KHDRBS2: variants seen among roughly 807,000 people sequenced by gnomAD.
KHDRBS2 encodes the protein KH domain-containing, RNA-binding, signal transduction-associated protein 2.
A neutral mutation model predicts 44.3 loss-of-function variants in KHDRBS2; 26 were observed. That is an observed-to-expected ratio of 0.59 (90% CI 0.43 to 0.81). KHDRBS2 has a LOEUF of 0.81. KHDRBS2 is among the 40% of genes least tolerant of loss of function. The pLI, the probability that KHDRBS2 is intolerant of heterozygous loss-of-function variation, is 0.00. For synonymous variants in KHDRBS2, 194 were observed against 151.1 expected (o/e 1.28, Z -2.08); for missense variants, 476 against 433.1 (o/e 1.10, Z -0.88).
chr6:61,980,908 T>C (rs1399261820), intron 3 of KHDRBS2, among the ~76,000 whole-genome samples: 1 of 152,190 alleles, frequency 6.6e-6, no homozygotes, highest in Non-Finnish European at 1.5e-5. Context: ...CCTTTTGACA[T>C]AAAGAGCTGA....
intron 2 of KHDRBS2, among the ~76,000 whole-genome samples, chr6:62,107,718 A>G (rs1584749680): frequency 6.6e-6 from 1 of 152,182 alleles, no homozygotes; most frequent in Admixed American, 6.5e-5. Flanking sequence ...AATAACCAAA[A>G]CAGCATGGTA....
intron 1 of KHDRBS2, among the ~76,000 whole-genome samples, chr6:62,257,853 A>G (rs1367006999): frequency 2.0e-5 from 3 of 151,948 alleles, no homozygotes; most frequent in African/African-American, 7.2e-5. Context: ...ACTCACATCC[A>G]TCTTCTGGTC....
At chr6:62,232,643 T>C (rs73760330) in intron 1 of KHDRBS2, among the ~76,000 whole-genome samples, 1,759 of 152,258 alleles carry the variant, frequency 0.012, 37 homozygotes, top group African/African-American at 0.039. Flanking sequence ...TGTGACTGTG[T>C]TGTGCCTAAT....
chr6:61,593,020 T>A, the KHDRBS2 span, among the ~76,000 whole-genome samples: 1 of 152,080 alleles, frequency 6.6e-6, no homozygotes, highest in Non-Finnish European at 1.5e-5. Flanking sequence ...TCTATAGAAA[T>A]AGAAGAAGAA....
chr6:62,133,874 T>C (rs1480634786), intron 2 of KHDRBS2, among the ~76,000 whole-genome samples: 3 of 152,170 alleles, frequency 2.0e-5, no homozygotes, highest in Non-Finnish European at 4.4e-5. Context: ...AGGGAGATGA[T>C]TTAGGGTATC....
At chr6:61,592,362 C>T in the KHDRBS2 span, among the ~76,000 whole-genome samples, 1 of 152,020 alleles carries the variant, frequency 6.6e-6, no homozygotes, top group African/African-American at 2.4e-5. Flanking sequence ...TGAACCATGG[C>T]AAAACAGGTT....
At chr6:61,677,932 C>T (rs1380365425), downstream of KHDRBS2, among the ~76,000 whole-genome samples, 1 of 151,898 alleles carries the variant, frequency 6.6e-6, no homozygotes, top group Non-Finnish European at 1.5e-5. Flanking sequence ...TGTCACTGCC[C>T]CCTTTTCCCC....
rs192190017 is a variant in KHDRBS2, at chr6:61,859,734, T to C, written c.810+34901A>G. 1.1e-3 allele frequency among the ~76,000 whole-genome samples: 171 copies of C among 151,990 alleles called. 1 individual carries two copies. Among genetic ancestry groups the C allele is most frequent in the African/African-American group, 3.8e-3 (156 of 41,502 alleles). On this transcript the variant is annotated intron_variant, in intron 6 of 8. Transcript: ENST00000281156. ...CAACATAAACATGCAAGTGTGCGTA[T>C]CAAAATGACAGAAGTGATATATGTA... is the stretch of plus-strand genomic sequence containing the variant.
At chr6:61,735,509 A>C (rs1775193464) in intron 6 of KHDRBS2, among the ~76,000 whole-genome samples, 1 of 152,144 alleles carries the variant, frequency 6.6e-6, no homozygotes, top group South Asian at 2.1e-4. Context: ...AAAAATCAGA[A>C]CCCAATAAAG....
chr6:62,061,805 G>A (rs965189509), intron 2 of KHDRBS2, among the ~76,000 whole-genome samples: 3 of 147,654 alleles, frequency 2.0e-5, no homozygotes, highest in East Asian at 4.1e-4. Context: ...TCACTTTCAG[G>A]TACACCAATC....
chr6:61,576,414 G>C, the KHDRBS2 span, among the ~76,000 whole-genome samples: 2 of 152,098 alleles, frequency 1.3e-5, no homozygotes, highest in Non-Finnish European at 2.9e-5. Context: ...AAATGCTACA[G>C]ATTTTGTATG....
rs545916047 is a variant in KHDRBS2 at position 62,003,468 on chromosome 6, T to A, written c.337-25256A>T. 3.9e-5 allele frequency among the ~76,000 whole-genome samples: 6 copies of A among 152,218 alleles called. No individual in the cohort carries two copies. The South Asian group carries it at 1.2e-3, about 32-fold the overall frequency. ...TGATTGAGCAACAAGAAGAGTTAAC[T>A]ATCCTAAATATGTATGCTCCCAATA... On this transcript the variant is annotated intron_variant, in intron 3 of 8. Transcript: ENST00000281156.
intron 3 of KHDRBS2, among the ~76,000 whole-genome samples, chr6:62,022,733 T>C (rs1490552457): frequency 1.3e-5 from 2 of 151,766 alleles, no homozygotes; most frequent in Non-Finnish European, 3.0e-5. Context: ...GAATTTCAAC[T>C]TCAAGAAATT....
At chr6:62,049,881 T>G (rs149949864) in intron 2 of KHDRBS2, among the ~76,000 whole-genome samples, 94 of 152,166 alleles carry the variant, frequency 6.2e-4, no homozygotes, top group African/African-American at 2.2e-3. Context: ...AGACAGTGTG[T>G]TGATTCCTCA....
intron 7 of KHDRBS2, among the ~76,000 whole-genome samples, chr6:61,704,545 T>G: frequency 6.6e-6 from 1 of 151,888 alleles, no homozygotes; most frequent in Admixed American, 6.6e-5. Context: ...AGGGGCTCAA[T>G]ATTCAATCTT....
intron 6 of KHDRBS2, among the ~76,000 whole-genome samples, chr6:61,734,412 C>T (rs562685211): frequency 6.6e-6 from 1 of 151,944 alleles, no homozygotes; most frequent in East Asian, 1.9e-4. Flanking sequence ...TCTCCTTTAA[C>T]CTTCAGCTCT....
intron 4 of KHDRBS2, among the ~76,000 whole-genome samples, chr6:61,941,628 C>A (rs1192536877): frequency 6.6e-6 from 1 of 152,090 alleles, no homozygotes; most frequent in Non-Finnish European, 1.5e-5. Context: ...CTCCCTAAGC[C>A]ACCAAGAAAA....
chr6:62,165,240 C>CATTTATTTATTT (rs202136759), intron 2 of KHDRBS2, among the ~76,000 whole-genome samples: 19 of 149,572 alleles, frequency 1.3e-4, no homozygotes, highest in Non-Finnish European at 2.4e-4. Flanking sequence ...CATTCTAGTA[C>CATTTATTTATTT]ATTTATTTAT....
chr6:61,676,788 T>C (rs538579855), downstream of KHDRBS2, among the ~76,000 whole-genome samples: 305 of 151,922 alleles, frequency 2.0e-3, 2 homozygotes, highest in African/African-American at 6.8e-3. Context: ...GAGGCTTTTA[T>C]TGGATAAGTG....
Sources: gnomAD v4.1 joint callset for allele counts (sites outside exome capture counted in the v4.1 genomes callset) on GRCh38, gnomAD v4.1.1 for gene constraint, MANE v1.5 for transcripts, NCBI Gene and HGNC (gene_info 2026-07-23, HGNC 2026-07-21) for gene names.